IL19: variants seen among roughly 807,000 people sequenced by gnomAD.
IL19 encodes the protein interleukin-19.
Under a neutral mutation model 19.5 loss-of-function variants are expected in IL19, and 15 were observed. The observed-to-expected ratio is 0.77, with a 90% CI of 0.52 to 1.19. IL19 has a LOEUF of 1.19. IL19 is among the 50% of genes most tolerant of loss of function. The probability of loss-of-function intolerance (pLI) is 0.00; values close to 1 mark genes in which losing one functional copy is unlikely to be tolerated. For missense variants in IL19, 199 were observed against 213.1 expected (o/e 0.93, Z 0.41); for synonymous variants, 78 against 78.3 (o/e 1.00, Z 0.02).
In IL19 at chr1:206,826,777, T is replaced by C. The variant is rs80353271; in HGVS notation, c.-2-9884T>C. ...GACTTGCCAGTTGGGAAGGACACTC[T>C]CAAGCCATCCTCTATGCCATTTGCC... On this transcript the variant is annotated intron_variant, in intron 2 of 6. Transcript: ENST00000659997. Among the ~76,000 whole-genome samples the C allele has an allele frequency of 9.3e-3, 1,424 of 152,332 alleles. 22 individuals are homozygous for C. The highest frequency in any genetic ancestry group is 0.033 in the African/African-American group (1,359 of 41,566).
intron 2 of IL19, chr1:206,829,155 CAA>C (rs1220904314): frequency 6.6e-6 from 1 of 151,920 alleles, no homozygotes; most frequent in Non-Finnish European, 1.5e-5. Context: ...AGCCTGAATT[CAA>C]TTTCTTAAAA....
At chr1:206,773,755 C>CCTT (rs1674922528) in intron 1 of IL19, among the ~76,000 whole-genome samples, 1 of 152,126 alleles carries the variant, frequency 6.6e-6, no homozygotes, top group African/African-American at 2.4e-5. Flanking sequence ...TTTGATTGAG[C>CCTT]CTTCACCTTC....
At chr1:206,788,333 C>T (rs2102452721) in intron 1 of IL19, among the ~76,000 whole-genome samples, 2 of 152,300 alleles carry the variant, frequency 1.3e-5, no homozygotes, top group South Asian at 2.1e-4. Flanking sequence ...TCCCCTATTG[C>T]TCTTTGATGT....
intron 6 of IL19, among the ~76,000 whole-genome samples, chr1:206,842,282 AG>A (rs1301213633): frequency 6.6e-6 from 1 of 152,210 alleles, no homozygotes; most frequent in Non-Finnish European, 1.5e-5. Context: ...CTGAGGGAAA[AG>A]AATGAAGAAT....
At chr1:206,778,728 T>G (rs1456288430) in intron 1 of IL19, among the ~76,000 whole-genome samples, 1 of 152,200 alleles carries the variant, frequency 6.6e-6, no homozygotes, top group African/African-American at 2.4e-5. Flanking sequence ...TAAAATCATC[T>G]CTCTCTGGTT....
chr1:206,834,275 G>T (rs1676709881), intron 2 of IL19: 1 of 985,424 alleles, frequency 1.0e-6, no homozygotes, highest in Non-Finnish European at 1.2e-6. Flanking sequence ...CCCCAAGGTG[G>T]ATCCACCCAG....
intron 2 of IL19, chr1:206,834,117 A>T (rs1475603298): frequency 1.0e-6 from 1 of 985,438 alleles, no homozygotes; most frequent in African/African-American, 1.7e-5. Flanking sequence ...TTGCATGGAG[A>T]TGGGGAGTTT....
At chr1:206,794,259 G>T (rs1370074622) in intron 1 of IL19, among the ~76,000 whole-genome samples, 1 of 152,142 alleles carries the variant, frequency 6.6e-6, no homozygotes, top group African/African-American at 2.4e-5. Context: ...GCTCTTATTG[G>T]GAGGATAAAA....
intron 1 of IL19, among the ~76,000 whole-genome samples, chr1:206,775,714 G>A (rs1674976361): frequency 1.3e-5 from 2 of 152,198 alleles, no homozygotes; most frequent in Admixed American, 1.3e-4. Context: ...GGGGTCCACG[G>A]GGAAAAGTCC....
intron 2 of IL19, among the ~76,000 whole-genome samples, chr1:206,826,303 T>A (rs1036259135): frequency 2.0e-5 from 3 of 152,150 alleles, no homozygotes; most frequent in Admixed American, 6.5e-5. Context: ...AATGGCTTTG[T>A]CCCCAGGACA....
chr1:206,820,819 G>A (rs919183620), intron 2 of IL19, among the ~76,000 whole-genome samples: 2 of 152,084 alleles, frequency 1.3e-5, no homozygotes, highest in South Asian at 2.1e-4. Context: ...TCCCCACCCC[G>A]CTTTCAAACA....
At chr1:206,837,160 C>T (rs1676824952) in intron 4 of IL19, 137 bp downstream of exon 4, 2 of 701,510 alleles carry the variant, frequency 2.9e-6, no homozygotes, top group Admixed American at 2.8e-5. Flanking sequence ...GCTTCTTTGT[C>T]AGATGATGTG....
At position 206,795,313 on chromosome 1, in the gene IL19, C is replaced by A. The variant is rs111294910; in HGVS notation, c.-148-3548C>A. On this transcript the variant is annotated intron_variant, in intron 1 of 6. Coordinates refer to ENST00000659997, the MANE Select transcript of IL19 (RefSeq NM_153758.5). The stretch of plus-strand genomic sequence containing the variant: ...TTGAACATTTCAGTCTCTTTGCATC[C>A]AGCTGGGTGTATTCTGTCATATACA... Among the ~76,000 whole-genome samples, 368 of 152,332 alleles carry A rather than the reference C, an allele frequency of 2.4e-3. 3 individuals are homozygous for A. The highest frequency in any genetic ancestry group is 8.4e-3 in the African/African-American group (348 of 41,564).
intron 1 of IL19, among the ~76,000 whole-genome samples, chr1:206,782,801 C>T (rs555368479): frequency 4.7e-4 from 71 of 152,310 alleles, no homozygotes; most frequent in African/African-American, 1.4e-3. Flanking sequence ...AGCTGTTGGA[C>T]AGGCTCTACT....
intron 1 of IL19, among the ~76,000 whole-genome samples, chr1:206,791,081 A>G (rs192394287): frequency 7.4e-4 from 113 of 152,322 alleles, no homozygotes; most frequent in African/African-American, 2.7e-3. Flanking sequence ...TCAAGATACG[A>G]AGATGGACCG....
intron 2 of IL19, chr1:206,834,395 T>G: frequency 1.0e-6 from 1 of 985,568 alleles, no homozygotes; most frequent in South Asian, 4.7e-5. Context: ...AAGCACCAAG[T>G]GAGAGGTGAG....
intron 2 of IL19, among the ~76,000 whole-genome samples, chr1:206,836,158 A>C (rs1331844108): frequency 1.3e-5 from 2 of 152,228 alleles, no homozygotes; most frequent in Non-Finnish European, 2.9e-5. Context: ...CAAACAAATG[A>C]TTTTAAGCAG....
chr1:206,822,992 T>G (rs1192639763), intron 2 of IL19, among the ~76,000 whole-genome samples: 1 of 151,274 alleles, frequency 6.6e-6, no homozygotes, highest in Non-Finnish European at 1.5e-5. Flanking sequence ...TATAGTGGTG[T>G]GATCTCGGCT....
chr1:206,775,997 G>T (rs1378996374), intron 1 of IL19, among the ~76,000 whole-genome samples: 1 of 152,178 alleles, frequency 6.6e-6, no homozygotes, highest in East Asian at 1.9e-4. Context: ...TCTAATCAAT[G>T]CTTATTATAC....
Sources: gnomAD v4.1 joint callset for allele counts (sites outside exome capture counted in the v4.1 genomes callset) on GRCh38, gnomAD v4.1.1 for gene constraint, MANE v1.5 for transcripts, NCBI Gene and HGNC (gene_info 2026-07-23, HGNC 2026-07-21) for gene names.